PCDHB11: variants seen among roughly 807,000 people sequenced by gnomAD.
PCDHB11 encodes the protein protocadherin beta-11.
For synonymous variants in PCDHB11, 522 were observed against 442.0 expected (o/e 1.18, Z -2.27); for missense variants, 1,151 against 1,003.4 (o/e 1.15, Z -1.99).
Position 141,202,042 on chromosome 5 carries a change from G to C in PCDHB11, c.2268G>C (p.Thr756=), listed in dbSNP as rs148762649. 5.0e-5 allele frequency: 81 copies of C among 1,614,046 alleles called. No homozygotes were observed. Among genetic ancestry groups the C allele is most frequent in the Middle Eastern group, 1.6e-4 (1 of 6,084 alleles). The change falls in exon 1 of 1, where the codon ACG becomes ACC. Residue 756 remains threonine, a synonymous_variant. Coordinates refer to ENST00000354757, the MANE Select transcript of PCDHB11 (RefSeq NM_018931.3). ...SQSYQYEVCL[T]GGSETNEFKF... The stretch of plus-strand genomic sequence containing the variant: ...GCTACCAGTACGAGGTGTGTCTGAC[G>C]GGAGGTTCCGAGACAAATGAATTCA...
chr5:141,201,293 A>G lies in PCDHB11; in HGVS notation c.1519A>G (p.Asn507Asp). The change falls in exon 1 of 1, where the codon AAC (asparagine) becomes GAC (aspartate). Residue 507 changes from asparagine to aspartate, a missense_variant. Transcript: ENST00000354757. ...GCCCCTCGCCTCCCTGGTCTCCATCAACACAGACAACGGCCACCTGTTCGC... is the reference window on the plus strand; with the variant it reads ...GCCCCTCGCCTCCCTGGTCTCCATCGACACAGACAACGGCCACCTGTTCGC... ...HLPLASLVSI[N>D]TDNGHLFALR... 6.2e-7 allele frequency: 1 copy of G among 1,613,612 alleles called. No individual in the cohort carries two copies. Among genetic ancestry groups the G allele is most frequent in the South Asian group, 1.1e-5 (1 of 91,058 alleles).
rs1263268653 is a variant in PCDHB11, at chr5:141,200,938, C to T, written c.1164C>T (p.Asp388=). Residue 388 remains aspartate (D), a synonymous_variant, in exon 1 of 1, where the codon GAC becomes GAT. Coordinates refer to ENST00000354757, the MANE Select transcript of PCDHB11 (RefSeq NM_018931.3). ...NGRIVCSIPE[D]LPFVLKSSVE... Reference sequence around the variant, plus strand: ...GAATTGTTTGTTCCATTCCGGAAGACCTCCCATTCGTGCTAAAATCTTCAG... The same window carrying T: ...GAATTGTTTGTTCCATTCCGGAAGATCTCCCATTCGTGCTAAAATCTTCAG... 1 of 1,614,196 alleles carries T rather than the reference C, an allele frequency of 6.2e-7. No homozygotes were observed. Among genetic ancestry groups the T allele is most frequent in the Admixed American group, 1.7e-5 (1 of 60,020 alleles).
Position 141,200,598 on chromosome 5 carries a change from G to A in PCDHB11, c.824G>A (p.Gly275Asp). 6.2e-7 allele frequency: 1 copy of A among 1,614,192 alleles called. No homozygotes were observed. Among genetic ancestry groups the A allele is most frequent in the East Asian group, 2.2e-5 (1 of 44,884 alleles). Residue 275 changes from glycine (G) to aspartate (D), a missense_variant, in exon 1 of 1, where the codon GGT becomes GAT. Transcript: ENST00000354757. Reference protein sequence around the residue: ...SAWDLDSGTNGEICYTFSHAS... With the variant: ...SAWDLDSGTNDEICYTFSHAS... ...TGGGATTTAGACTCTGGAACAAATG[G>A]TGAAATATGCTATACCTTTTCCCAT...
chr5:141,199,894 G>C lies in PCDHB11; in HGVS notation c.120G>C (p.Gln40His). 6.2e-7 allele frequency: 1 copy of C among 1,614,158 alleles called. No homozygotes were observed. The highest frequency in any genetic ancestry group is 8.5e-7 in the Non-Finnish European group (1 of 1,180,032). The change falls in exon 1 of 1, where the codon CAG becomes CAC. Residue 40 changes from glutamine (Q) to histidine (H), a missense_variant. Physicochemically the swap from Gln to His is conservative, Grantham distance 24. Transcript: ENST00000354757. ...GCTTTTCTGTGGCAGAAGAAATGCA[G>C]AGCGGGAGTTTTGTAGGCAATCTGG... Reference protein sequence around the residue: ...TWSFSVAEEMQSGSFVGNLAK... With the variant: ...TWSFSVAEEMHSGSFVGNLAK...
rs781851996 is a variant in PCDHB11, at chr5:141,200,775, T to G, written c.1001T>G (p.Ile334Arg). 8 of 1,614,218 alleles carry G rather than the reference T, an allele frequency of 5.0e-6. No individual in the cohort carries two copies. The highest frequency in any genetic ancestry group is 1.1e-5 in the South Asian group (1 of 91,086). ...GGGLFGKSTVIIHVIDVNDNA... is the reference protein window; with the variant it reads ...GGGLFGKSTVRIHVIDVNDNA... ...GGACTTTTTGGAAAATCTACAGTCATAATTCACGTGATAGATGTAAATGAC... is the reference window on the plus strand; with the variant it reads ...GGACTTTTTGGAAAATCTACAGTCAGAATTCACGTGATAGATGTAAATGAC... Residue 334 changes from isoleucine (I) to arginine (R), a missense_variant, in exon 1 of 1, where the codon ATA becomes AGA. By Grantham distance (97) the Ile-to-Arg change is moderately conservative. Coordinates refer to ENST00000354757, the MANE Select transcript of PCDHB11 (RefSeq NM_018931.3).
In PCDHB11 at chr5:141,201,992, A is replaced by G. The variant is rs1554285776; in HGVS notation, c.2218A>G (p.Ser740Gly). ...GPFPGHLVDV[S>G]GTGTLSQSYQ... ...CTTTCCAGGGCATCTGGTGGACGTGAGCGGCACCGGGACCCTTTCCCAGAG... is the reference window on the plus strand; with the variant it reads ...CTTTCCAGGGCATCTGGTGGACGTGGGCGGCACCGGGACCCTTTCCCAGAG... Residue 740 changes from serine (S) to glycine (G), a missense_variant, in exon 1 of 1, where the codon AGC (serine) becomes GGC (glycine). By Grantham distance (56) the Ser-to-Gly change is moderately conservative. Transcript: ENST00000354757. 2 of 1,613,976 alleles carry G rather than the reference A, an allele frequency of 1.2e-6. No individual in the cohort carries two copies.
At position 141,200,747 on chromosome 5, in the gene PCDHB11, G is replaced by A. The variant is rs1554285380; in HGVS notation, c.973G>A (p.Gly325Arg). The A allele has an allele frequency of 6.2e-7, 1 of 1,614,160 alleles. No individual in the cohort carries two copies. The highest frequency in any genetic ancestry group is 8.5e-7 in the Non-Finnish European group (1 of 1,180,028). Reference protein sequence around the residue: ...YSIIIQATDGGGLFGKSTVII... With the variant: ...YSIIIQATDGRGLFGKSTVII... ...AATAATCATTCAAGCCACAGATGGG[G>A]GAGGACTTTTTGGAAAATCTACAGT... The change falls in exon 1 of 1, where the codon GGA (glycine) becomes AGA (arginine). Residue 325 changes from glycine (G) to arginine (R), a missense_variant. Physicochemically the swap from Gly to Arg is moderately radical, Grantham distance 125 (BLOSUM62 -2). Coordinates refer to ENST00000354757, the MANE Select transcript of PCDHB11 (RefSeq NM_018931.3).
At position 141,201,041 on chromosome 5, in the gene PCDHB11, G is replaced by C. The variant is rs1317164578; in HGVS notation, c.1267G>C (p.Val423Leu). The C allele has an allele frequency of 3.1e-6, 5 of 1,614,048 alleles. No homozygotes were observed. In the African/African-American group the frequency reaches 6.7e-5, roughly 22 times the overall value. Reference sequence around the variant, plus strand: ...AGCCGAGTACAATATCACCATCACCGTCACCGACTTGGGGATACCCAGGCT... The same window carrying C: ...AGCCGAGTACAATATCACCATCACCCTCACCGACTTGGGGATACCCAGGCT... ...STAEYNITITVTDLGIPRLKT... is the reference protein window; with the variant it reads ...STAEYNITITLTDLGIPRLKT... The change falls in exon 1 of 1, where the codon GTC (valine) becomes CTC (leucine). Residue 423 changes from valine to leucine, a missense_variant. Val to Leu is a conservative substitution (Grantham distance 32, BLOSUM62 1). Transcript: ENST00000354757.
Position 141,200,432 on chromosome 5 carries a change from C to T in PCDHB11, c.658C>T (p.Pro220Ser). 1 of 1,614,126 alleles carries T rather than the reference C, an allele frequency of 6.2e-7. No homozygotes were observed. Among genetic ancestry groups the T allele is most frequent in the Non-Finnish European group, 8.5e-7 (1 of 1,180,020 alleles). ...FILSALDGGS[P>S]PRSGTALVRV... ...CCTCTCTGCTCTGGATGGTGGGTCC[C>T]CTCCCAGGTCTGGAACTGCCTTGGT... The change falls in exon 1 of 1, where the codon CCT becomes TCT. Residue 220 changes from proline (P) to serine (S), a missense_variant. Coordinates refer to ENST00000354757, the MANE Select transcript of PCDHB11 (RefSeq NM_018931.3).
rs782663327 is a variant in PCDHB11, at chr5:141,199,927, C to A, written c.153C>A (p.Asp51Glu). The A allele has an allele frequency of 1.9e-6, 3 of 1,614,004 alleles. No individual in the cohort carries two copies. The East Asian group carries it at 6.7e-5, about 36-fold the overall frequency. Residue 51 changes from aspartate to glutamate, a missense_variant, in exon 1 of 1, where the codon GAC becomes GAA. Transcript: ENST00000354757. ...GTTTTGTAGGCAATCTGGCAAAGGA[C>A]CTGGGGCTGAAGGTGAGAGAACTGT... ...SGSFVGNLAK[D>E]LGLKVRELSS...
rs1754180510 is a variant in PCDHB11 at position 141,201,324 on chromosome 5, G to A, written c.1550G>A (p.Arg517Lys). The change falls in exon 1 of 1, where the codon AGG (arginine) becomes AAG (lysine). Residue 517 changes from arginine (R) to lysine (K), a missense_variant. Arg to Lys is a conservative substitution (Grantham distance 26). Coordinates refer to ENST00000354757, the MANE Select transcript of PCDHB11 (RefSeq NM_018931.3). Reference sequence around the variant, plus strand: ...GACAACGGCCACCTGTTCGCCCTCAGGTCGCTGGACTACGAGGCCCTGCAG... The same window carrying A: ...GACAACGGCCACCTGTTCGCCCTCAAGTCGCTGGACTACGAGGCCCTGCAG... ...NTDNGHLFAL[R>K]SLDYEALQAF... is the part of the protein sequence containing the mutation. The A allele has an allele frequency of 6.2e-7, 1 of 1,613,420 alleles. No homozygotes were observed. The highest frequency in any genetic ancestry group is 1.7e-5 in the Admixed American group (1 of 59,994).
rs782068552 is a variant in PCDHB11 at position 141,201,143 on chromosome 5, A to C, written c.1369A>C (p.Thr457Pro). The C allele has an allele frequency of 1.2e-6, 2 of 1,613,526 alleles. No individual in the cohort carries two copies. Among genetic ancestry groups the C allele is most frequent in the Non-Finnish European group, 8.5e-7 (1 of 1,179,972 alleles). The change falls in exon 1 of 1, where the codon ACC becomes CCC. Residue 457 changes from threonine (T) to proline (P), a missense_variant. Thr to Pro is a conservative substitution (Grantham distance 38, BLOSUM62 -1). Coordinates refer to ENST00000354757, the MANE Select transcript of PCDHB11 (RefSeq NM_018931.3). The stretch of plus-strand genomic sequence containing the variant: ...CCCCACCTTCACCCAAACCTCCTAC[A>C]CCCTGTTCGTCCGCGAGAACAACAG... ...NAPTFTQTSY[T>P]LFVRENNSPA...
Position 141,202,338 on chromosome 5 carries a change from CGCCCTG to C in PCDHB11, c.*173_*178del. ...TTTTTGAGACCGAGTCTCATTCTGT[CGCCCTG>C]GCTGGAGTGCAATGGTGTGATCTCA... On this transcript the variant is annotated 3_prime_UTR_variant, in exon 1 of 1. Transcript: ENST00000354757. 1.6e-6 allele frequency: 1 copy of C among 621,094 alleles called. No individual in the cohort carries two copies. Among genetic ancestry groups the C allele is most frequent in the East Asian group, 3.1e-5 (1 of 32,452 alleles). The allele number at this position is 621,094 out of a possible 1,614,324, so 38.5% of individuals were successfully genotyped here.
chr5:141,201,309 A>G lies in PCDHB11; in HGVS notation c.1535A>G (p.His512Arg). The part of the protein sequence containing the change: ...SLVSINTDNG[H>R]LFALRSLDYE... The stretch of plus-strand genomic sequence containing the variant: ...GTCTCCATCAACACAGACAACGGCC[A>G]CCTGTTCGCCCTCAGGTCGCTGGAC... Residue 512 changes from histidine (H) to arginine (R), a missense_variant, in exon 1 of 1, where the codon CAC (histidine) becomes CGC (arginine). Coordinates refer to ENST00000354757, the MANE Select transcript of PCDHB11 (RefSeq NM_018931.3). 6.2e-7 allele frequency: 1 copy of G among 1,613,512 alleles called. No homozygotes were observed. The highest frequency in any genetic ancestry group is 8.5e-7 in the Non-Finnish European group (1 of 1,179,980).
At position 141,200,443 on chromosome 5, in the gene PCDHB11, T is replaced by C. The variant is rs1404639605; in HGVS notation, c.669T>C (p.Ser223=). Residue 223 remains serine, a synonymous_variant, in exon 1 of 1, where the codon TCT becomes TCC. Transcript: ENST00000354757. ...TGGATGGTGGGTCCCCTCCCAGGTC[T>C]GGAACTGCCTTGGTCAGGGTGGTGG... ...SALDGGSPPR[S]GTALVRVVVV... The C allele has an allele frequency of 6.2e-7, 1 of 1,614,042 alleles. No homozygotes were observed. The highest frequency in any genetic ancestry group is 8.5e-7 in the Non-Finnish European group (1 of 1,180,022).
rs139995522 is a variant in PCDHB11 at position 141,201,688 on chromosome 5, C to T, written c.1914C>T (p.His638=). ...TGAGCGAGCGCGACGCGGCCAAGCA[C>T]AGGCTGGTGGTGCTGGTCAAGGACA... ...RLLSERDAAK[H]RLVVLVKDNG... The change falls in exon 1 of 1, where the codon CAC becomes CAT. Residue 638 remains histidine (H), a synonymous_variant. Coordinates refer to ENST00000354757, the MANE Select transcript of PCDHB11 (RefSeq NM_018931.3). 2.2e-5 allele frequency: 36 copies of T among 1,606,766 alleles called. No individual in the cohort carries two copies. Among genetic ancestry groups the T allele is most frequent in the Admixed American group, 8.3e-5 (5 of 59,948 alleles).
At position 141,201,205 on chromosome 5, in the gene PCDHB11, C is replaced by G. The variant is rs782510504; in HGVS notation, c.1431C>G (p.Asp477Glu). Residue 477 changes from aspartate to glutamate, a missense_variant, in exon 1 of 1, where the codon GAC (aspartate) becomes GAG (glutamate). Physicochemically the swap from Asp to Glu is conservative, Grantham distance 45. Coordinates refer to ENST00000354757, the MANE Select transcript of PCDHB11 (RefSeq NM_018931.3). ...ACATCGGCAGTGTCAGCGCTACAGA[C>G]AGAGACTCAGGCACCAACGCCCAGG... ...ALHIGSVSATDRDSGTNAQVN... is the reference protein window; with the variant it reads ...ALHIGSVSATERDSGTNAQVN... The G allele has an allele frequency of 1.8e-5, 29 of 1,613,140 alleles. No homozygotes were observed. The African/African-American group carries it at 3.1e-4, about 17-fold the overall frequency.
At position 141,202,431 on chromosome 5, in the gene PCDHB11, C is replaced by CT. The variant is rs1372712021; in HGVS notation, c.*264dup. 3.9e-6 allele frequency: 1 copy of CT among 257,338 alleles called. No homozygotes were observed. Among genetic ancestry groups the CT allele is most frequent in the African/African-American group, 2.2e-5 (1 of 44,488 alleles). 15.9% of individuals were successfully genotyped at this position (257,338 alleles called of 1,614,324 possible). On this transcript the variant is annotated 3_prime_UTR_variant, in exon 1 of 1. Coordinates refer to ENST00000354757, the MANE Select transcript of PCDHB11 (RefSeq NM_018931.3). ...TCTCCTGCATCAGCCTCCCGAGTAG[C>CT]TGGCATTACAGGCGCCCACCACCAC... is the stretch of plus-strand genomic sequence containing the variant.
In PCDHB11 at chr5:141,202,384, C is replaced by G; in HGVS notation, c.*216C>G. On this transcript the variant is annotated 3_prime_UTR_variant, in exon 1 of 1. Coordinates refer to ENST00000354757, the MANE Select transcript of PCDHB11 (RefSeq NM_018931.3). Reference sequence around the variant, plus strand: ...GTGTGATCTCAGCTCACTGCACCCTCCGCCTCTCGGGTTCAAGCAATTCTC... The same window carrying G: ...GTGTGATCTCAGCTCACTGCACCCTGCGCCTCTCGGGTTCAAGCAATTCTC... The G allele has an allele frequency of 2.5e-6, 1 of 395,858 alleles. No individual in the cohort carries two copies. Among genetic ancestry groups the G allele is most frequent in the South Asian group, 5.2e-5 (1 of 19,250 alleles). The allele number at this position is 395,858 out of a possible 1,614,324, so 24.5% of individuals were successfully genotyped here. A position where few individuals can be genotyped will look rare whatever the true frequency, so the allele number is the denominator to read the frequency against.
Sources: gnomAD v4.1 joint callset for allele counts on GRCh38, gnomAD v4.1.1 for gene constraint, MANE v1.5 for transcripts, NCBI Gene and HGNC (gene_info 2026-07-23, HGNC 2026-07-21) for gene names.